The following EHBP1 variants were observed in gnomAD, a reference collection of about 807,000 sequenced individuals.
The protein encoded by EHBP1 is EH domain-binding protein 1.
EHBP1 carries 55 observed loss-of-function variants against 144.0 expected under a neutral mutation model. The ratio of observed to expected loss-of-function variants is 0.38; its 90% CI spans 0.31 to 0.48. EHBP1 has a LOEUF of 0.48. Among genes scored for constraint, EHBP1 ranks in the 20% least tolerant of loss-of-function variants. EHBP1 has a pLI of 0.98. For missense variants in EHBP1, 1,200 were observed against 1,364.2 expected, an observed-to-expected ratio of 0.88 and a Z score of 1.90; for synonymous variants, 469 against 472.7, an observed-to-expected ratio of 0.99 and a Z score of 0.10.
At chr2:63,011,142 CAA>C (rs58109395) in intron 19 of EHBP1, among the ~76,000 whole-genome samples, 10 of 43,870 alleles carry the variant, frequency 2.3e-4, no homozygotes, top group Non-Finnish European at 3.4e-4. Flanking sequence ...CCTCACTTGT[CAA>C]AAAAAAAAAA....
At chr2:62,986,182 A>G (rs549150454) in intron 15 of EHBP1, among the ~76,000 whole-genome samples, 1 of 152,342 alleles carries the variant, frequency 6.6e-6, no homozygotes, top group South Asian at 2.1e-4. Context: ...ACACACAGGA[A>G]ATATTTGTTA....
chr2:62,915,591 C>CCTCTTTCCTATAAAG lies in EHBP1; in HGVS notation c.1186-27117_1186-27116insTAAAGCTCTTTCCTA, dbSNP rs1558906716. On this transcript the variant is annotated intron_variant, in intron 10 of 22. Coordinates refer to ENST00000431489, the MANE Select transcript of EHBP1 (RefSeq NM_001142616.3). ...GAATACTAAATATTGTGAAAGCATC[C>CCTCTTTCCTATAAAG]CTCTTTCCTAGATACTTTATAGATT... Among the ~76,000 whole-genome samples the CCTCTTTCCTATAAAG allele has an allele frequency of 9.9e-5, 15 of 151,850 alleles. 1 individual carries two copies. The South Asian group carries it at 3.1e-3, about 32-fold the overall frequency.
At chr2:62,929,954 A>T (rs2055854248) in intron 10 of EHBP1, among the ~76,000 whole-genome samples, 1 of 152,242 alleles carries the variant, frequency 6.6e-6, no homozygotes, top group Non-Finnish European at 1.5e-5. Flanking sequence ...ACTTTCATTA[A>T]CAATAGCATC....
chr2:62,829,279 T>C (rs954785531), intron 6 of EHBP1, among the ~76,000 whole-genome samples: 21 of 152,086 alleles, frequency 1.4e-4, no homozygotes, highest in African/African-American at 4.3e-4. Flanking sequence ...TCTTTAGTGA[T>C]GATTTCTGAG....
At chr2:62,684,921 G>T (rs763443325) in intron 1 of EHBP1, among the ~76,000 whole-genome samples, 1 of 152,188 alleles carries the variant, frequency 6.6e-6, no homozygotes, top group Non-Finnish European at 1.5e-5. Context: ...AGCTCTGGAG[G>T]TTAGAAGTCT....
chr2:62,861,021 CAG>C (rs916367992), intron 8 of EHBP1, among the ~76,000 whole-genome samples: 4 of 150,206 alleles, frequency 2.7e-5, no homozygotes, highest in Admixed American at 6.6e-5. Flanking sequence ...AGCCTCAAAA[CAG>C]AAGTATTTGG....
At chr2:63,000,294 T>A (rs545844665) in intron 19 of EHBP1, among the ~76,000 whole-genome samples, 2 of 152,242 alleles carry the variant, frequency 1.3e-5, no homozygotes, top group Non-Finnish European at 2.9e-5. Flanking sequence ...ATGGGATTTA[T>A]ATGTCTGGTT....
chr2:62,990,709 T>A lies in EHBP1; in HGVS notation c.2609-7T>A. ...TCAGTTATTCATGGTATTTGCATAT[T>A]TAACAGAACAAAACAGTAAGTTGGT... On this transcript the variant is annotated splice_polypyrimidine_tract_variant and splice_region_variant and intron_variant, in intron 15 of 22. Coordinates refer to ENST00000431489, the MANE Select transcript of EHBP1 (RefSeq NM_001142616.3). 6.2e-7 allele frequency: 1 copy of A among 1,613,408 alleles called. No individual in the cohort carries two copies. The highest frequency in any genetic ancestry group is 8.5e-7 in the Non-Finnish European group (1 of 1,179,620).
At chr2:62,811,312 A>G (rs1235159219) in intron 5 of EHBP1, among the ~76,000 whole-genome samples, 1 of 152,194 alleles carries the variant, frequency 6.6e-6, no homozygotes, top group African/African-American at 2.4e-5. Context: ...ATGGACTCCA[A>G]ATTAAATTTT....
chr2:62,730,075 G>T (rs2037360760), intron 2 of EHBP1, among the ~76,000 whole-genome samples: 1 of 151,854 alleles, frequency 6.6e-6, no homozygotes, highest in Non-Finnish European at 1.5e-5. Flanking sequence ...TCTAGTTTTT[G>T]GTCTTTCTCC....
intron 2 of EHBP1, among the ~76,000 whole-genome samples, chr2:62,717,305 A>T (rs1249824903): frequency 6.6e-6 from 1 of 152,222 alleles, no homozygotes; most frequent in Admixed American, 6.5e-5. Context: ...AAAATTAGGC[A>T]TTTCTAGAAA....
chr2:62,759,123 A>C (rs2040550283), intron 3 of EHBP1, among the ~76,000 whole-genome samples: 1 of 152,148 alleles, frequency 6.6e-6, no homozygotes, highest in Non-Finnish European at 1.5e-5. Context: ...GCCTTTTTCC[A>C]AGTTGGTTTT....
intron 1 of EHBP1, among the ~76,000 whole-genome samples, chr2:62,681,212 A>G (rs577494774): frequency 4.1e-4 from 62 of 150,762 alleles, no homozygotes; most frequent in African/African-American, 1.4e-3. Flanking sequence ...ACTCGGAGGC[A>G]GGAGAATCGC....
At chr2:62,724,921 A>G (rs1459928126) in intron 2 of EHBP1, among the ~76,000 whole-genome samples, 2 of 152,230 alleles carry the variant, frequency 1.3e-5, no homozygotes, top group East Asian at 3.9e-4. Flanking sequence ...CCTTCTCTCA[A>G]CTTGTGTAGA....
chr2:62,958,649 A>G (rs2057841507), intron 14 of EHBP1, among the ~76,000 whole-genome samples: 1 of 152,168 alleles, frequency 6.6e-6, no homozygotes, highest in Non-Finnish European at 1.5e-5. Context: ...TAAAACATCA[A>G]ATTTAAAATG....
intron 7 of EHBP1, chr2:62,858,545 A>T (rs766466819): frequency 1.4e-6 from 2 of 1,407,870 alleles, no homozygotes; most frequent in Non-Finnish European, 2.0e-6. Flanking sequence ...TCTGCTTCTG[A>T]TTGCCTGTAT....
At chr2:62,949,234 C>T (rs540873134) in intron 13 of EHBP1, 72 bp downstream of exon 13, 2 of 1,277,632 alleles carry the variant, frequency 1.6e-6, no homozygotes, top group Admixed American at 2.5e-5. Context: ...TTTTTGCATT[C>T]ATAGATGCTA....
intron 19 of EHBP1, among the ~76,000 whole-genome samples, chr2:63,003,572 C>T (rs1394112594): frequency 6.6e-6 from 1 of 152,066 alleles, no homozygotes; most frequent in Non-Finnish European, 1.5e-5. Context: ...CCTTGGTTGC[C>T]TTCCAAGCTT....
chr2:62,843,693 A>AT (rs1409003232), intron 7 of EHBP1, among the ~76,000 whole-genome samples: 13 of 152,154 alleles, frequency 8.5e-5, no homozygotes, highest in African/African-American at 2.7e-4. Context: ...TCAGGGATAT[A>AT]TTTTTTTAGC....
Sources: gnomAD v4.1 joint callset for allele counts (sites outside exome capture counted in the v4.1 genomes callset) on GRCh38, gnomAD v4.1.1 for gene constraint, MANE v1.5 for transcripts, NCBI Gene and HGNC (gene_info 2026-07-23, HGNC 2026-07-21) for gene names.